The following USP34 variants were observed in gnomAD, a reference collection of about 807,000 sequenced individuals.
USP34 encodes the protein ubiquitin specific peptidase 34.
USP34 carries 70 observed loss-of-function variants against 460.3 expected under a neutral mutation model. The ratio of observed to expected loss-of-function variants is 0.15; its 90% CI spans 0.13 to 0.19. The LOEUF is 0.19. USP34 is among the 10% of genes least tolerant of loss of function. The pLI is 1.00. For synonymous variants in USP34, 1,647 were observed against 1,405.3 expected (o/e 1.17, Z -3.85); for missense variants, 3,985 against 4,236.2 (o/e 0.94, Z 1.65).
rs767634353 is a variant in USP34 at position 61,190,224 on chromosome 2, G to C, written c.9873+47C>G. Reference sequence around the variant, plus strand: ...TCATATGAAGGCCACACAGTTAACTGAAGGACAGTTTAAAAGTGTGTGCCG... The same window carrying C: ...TCATATGAAGGCCACACAGTTAACTCAAGGACAGTTTAAAAGTGTGTGCCG... On this transcript the variant is annotated intron_variant, in intron 78 of 79. Transcript: ENST00000398571. 4 of 1,552,660 alleles carry C rather than the reference G, an allele frequency of 2.6e-6. No homozygotes were observed. In the South Asian group the frequency reaches 4.9e-5, roughly 19 times the overall value.
chr2:61,371,454 AAAAGG>A (rs951769052), intron 8 of USP34, among the ~76,000 whole-genome samples: 17 of 151,888 alleles, frequency 1.1e-4, no homozygotes, highest in Admixed American at 3.9e-4. Context: ...TAAAAAAAAA[AAAAGG>A]AAAGAAAACA....
intron 20 of USP34, among the ~76,000 whole-genome samples, chr2:61,330,377 G>C (rs1308465027): frequency 5.9e-5 from 9 of 152,098 alleles, no homozygotes; most frequent in Non-Finnish European, 1.2e-4. Context: ...TCAAGTTTTA[G>C]GCAAGTGGGA....
At chr2:61,259,652 C>T (rs892835433) in intron 44 of USP34, 59 bp downstream of exon 44, 6 of 1,548,186 alleles carry the variant, frequency 3.9e-6, no homozygotes, top group South Asian at 3.4e-5. Flanking sequence ...TCCCAAAATG[C>T]TATAATTACA....
intron 51 of USP34, among the ~76,000 whole-genome samples, chr2:61,243,558 AT>A (rs377487628): frequency 0.17 from 23,897 of 144,430 alleles, 2,636 homozygotes; most frequent in African/African-American, 0.32. Context: ...TTCTTCCTTC[AT>A]TTTTTTTTTT....
chr2:61,224,709 C>T (rs1687680230), intron 62 of USP34, among the ~76,000 whole-genome samples: 1 of 152,048 alleles, frequency 6.6e-6, no homozygotes, highest in South Asian at 2.1e-4. Context: ...CCAAAAGTTG[C>T]AAGTAAACTA....
intron 41 of USP34, among the ~76,000 whole-genome samples, chr2:61,275,286 A>G (rs1228773741): frequency 3.3e-5 from 5 of 152,188 alleles, no homozygotes; most frequent in African/African-American, 1.2e-4. Flanking sequence ...CTCAAAGATA[A>G]TAACAATAAT....
At chr2:61,203,078 T>C (rs1304692582) in intron 75 of USP34, 62 bp downstream of exon 75, 1 of 1,381,600 alleles carries the variant, frequency 7.2e-7, no homozygotes, top group Non-Finnish European at 9.5e-7. Flanking sequence ...TTTCTCCCCT[T>C]CCTGAATGAC....
chr2:61,333,228 C>T (rs937669375), intron 19 of USP34, among the ~76,000 whole-genome samples: 1 of 152,060 alleles, frequency 6.6e-6, no homozygotes, highest in Non-Finnish European at 1.5e-5. Flanking sequence ...ATTCATTAAT[C>T]ATAAGTTCTC....
rs773876426 is a variant in USP34 at position 61,294,973 on chromosome 2, A to G, written c.4437T>C (p.Asn1479=). Residue 1479 remains asparagine, a synonymous_variant, in exon 32 of 80, where the codon AAT becomes AAC. Transcript: ENST00000398571. Reference sequence around the variant, plus strand: ...CCTTGCAACTCCAGGAATTTTTACTATTTTCCACTTGATCTTCACTTGAAT... The same window carrying G: ...CCTTGCAACTCCAGGAATTTTTACTGTTTTCCACTTGATCTTCACTTGAAT... ...SDDSSEDQVE[N]SKNSWSCKFV... is the part of the protein sequence containing the mutation. 5.0e-6 allele frequency: 8 copies of G among 1,612,648 alleles called. No individual in the cohort carries two copies. The highest frequency in any genetic ancestry group is 3.3e-5 in the Admixed American group (2 of 59,870).
chr2:61,280,990 T>G lies in USP34; in HGVS notation c.5151+100A>C, dbSNP rs1689520514. 5.5e-6 allele frequency: 7 copies of G among 1,266,400 alleles called. No individual in the cohort carries two copies. The East Asian group carries it at 1.5e-4, about 27-fold the overall frequency. The allele number at this position is 1,266,400 out of a possible 1,614,324, so 78.4% of individuals were successfully genotyped here. On this transcript the variant is annotated intron_variant, in intron 38 of 79. Transcript: ENST00000398571. ...CCTCTTGGTAAAAAATCACATACAG[T>G]AGTCAAATGATCAAAATTTTAAGGA...
chr2:61,259,676 G>A (rs201765353), intron 44 of USP34, 35 bp downstream of exon 44: 57 of 1,599,304 alleles, frequency 3.6e-5, no homozygotes, highest in Admixed American at 1.3e-4. Flanking sequence ...ATGAGCCACA[G>A]TGCCTGGCCT....
intron 5 of USP34, among the ~76,000 whole-genome samples, chr2:61,384,780 A>G (rs1693085990): frequency 6.6e-6 from 1 of 152,158 alleles, no homozygotes; most frequent in African/African-American, 2.4e-5. Flanking sequence ...AGTAAATACT[A>G]CGTTAATGAT....
At chr2:61,433,408 C>T (rs892180113) in intron 1 of USP34, among the ~76,000 whole-genome samples, 6 of 152,176 alleles carry the variant, frequency 3.9e-5, no homozygotes, top group South Asian at 2.1e-4. Context: ...CTGAGGCAGG[C>T]GGATCACTTG....
chr2:61,304,086 C>CAAAAAT (rs1690325924), intron 27 of USP34, among the ~76,000 whole-genome samples: 2 of 151,930 alleles, frequency 1.3e-5, no homozygotes, highest in South Asian at 4.2e-4. Context: ...TTAGTAGAGA[C>CAAAAAT]AGGGTTTCGT....
chr2:61,391,102 A>C (rs563652122), intron 5 of USP34, among the ~76,000 whole-genome samples: 1 of 151,954 alleles, frequency 6.6e-6, no homozygotes, highest in Non-Finnish European at 1.5e-5. Context: ...TCAAAAAAAA[A>C]ACGAAAAAAT....
At position 61,380,080 on chromosome 2, in the gene USP34, G is replaced by C. The variant is rs1274641216; in HGVS notation, c.1014+89C>G. ...CATAAAATACTTAGCACAATGCCTA[G>C]TATGAAGTGCTCCATAAATAGTGGG... On this transcript the variant is annotated intron_variant, in intron 7 of 79. Transcript: ENST00000398571. 1.2e-5 allele frequency: 14 copies of C among 1,127,238 alleles called. No individual in the cohort carries two copies. The South Asian group carries it at 1.3e-4, about 10-fold the overall frequency. 69.8% of individuals were successfully genotyped at this position (1,127,238 alleles called of 1,614,324 possible).
intron 56 of USP34, 34 bp from the exon 57 acceptor site, chr2:61,235,944 T>C: frequency 6.2e-7 from 1 of 1,602,154 alleles, no homozygotes; most frequent in Non-Finnish European, 8.5e-7. Flanking sequence ...GCATATGAAC[T>C]TCTGAGCCAA....
chr2:61,357,981 A>C (rs375733023), intron 10 of USP34, among the ~76,000 whole-genome samples: 1 of 152,146 alleles, frequency 6.6e-6, no homozygotes, highest in Non-Finnish European at 1.5e-5. Context: ...ACATGAGGTC[A>C]TAAGTTTGAG....
At chr2:61,195,906 A>AT (rs962401555) in intron 75 of USP34, among the ~76,000 whole-genome samples, 150 of 149,864 alleles carry the variant, frequency 1.0e-3, no homozygotes, top group South Asian at 6.0e-3. Flanking sequence ...ATAATCTTCA[A>AT]TTTTTTTTTC....
Sources: allele counts gnomAD v4.1 joint callset (sites outside exome capture counted in the v4.1 genomes callset), GRCh38; gene constraint gnomAD v4.1.1; transcripts MANE v1.5; gene names NCBI Gene and HGNC (gene_info 2026-07-23, HGNC 2026-07-21).